PTPN13: variants seen among roughly 807,000 people sequenced by gnomAD.
The protein encoded by PTPN13 is protein tyrosine phosphatase non-receptor type 13.
PTPN13 carries 191 observed loss-of-function variants against 284.0 expected under a neutral mutation model. The ratio of observed to expected loss-of-function variants is 0.67; its 90% CI spans 0.60 to 0.76. The LOEUF (loss-of-function observed/expected upper bound fraction) is 0.76, where lower values mean the gene tolerates loss of function less well. Ranked by LOEUF, PTPN13 falls within the 30% of genes least tolerant of loss-of-function variation. PTPN13 has a pLI of 0.00. For synonymous variants in PTPN13, 986 were observed against 1,022.3 expected (o/e 0.96, Z 0.68); for missense variants, 2,797 against 2,939.9 (o/e 0.95, Z 1.12).
chr4:86,721,101 T>C (rs1331528996), intron 9 of PTPN13, among the ~76,000 whole-genome samples: 1 of 152,036 alleles, frequency 6.6e-6, no homozygotes, highest in Non-Finnish European at 1.5e-5. Flanking sequence ...TCTCAAACTT[T>C]GCAGTTTTTA....
chr4:86,733,950 T>G (rs2149134967), intron 12 of PTPN13, among the ~76,000 whole-genome samples: 1 of 152,342 alleles, frequency 6.6e-6, no homozygotes. Flanking sequence ...CATTTGATCC[T>G]TATAACAATG....
chr4:86,647,275 A>AT (rs969843330), intron 2 of PTPN13, among the ~76,000 whole-genome samples: 19 of 151,998 alleles, frequency 1.3e-4, no homozygotes, highest in Non-Finnish European at 2.4e-4. Context: ...AATATCAAAC[A>AT]TTTTTTCAAA....
intron 26 of PTPN13, among the ~76,000 whole-genome samples, chr4:86,765,922 G>A (rs1378455539): frequency 1.3e-5 from 2 of 151,974 alleles, no homozygotes; most frequent in African/African-American, 4.8e-5. Flanking sequence ...CCGCCTCCTG[G>A]GTTCAAATGA....
At chr4:86,668,310 TA>T (rs1727320380) in intron 2 of PTPN13, among the ~76,000 whole-genome samples, 1 of 152,236 alleles carries the variant, frequency 6.6e-6, no homozygotes, top group African/African-American at 2.4e-5. Flanking sequence ...ACATTTGCTT[TA>T]AATTTCTTCC....
At chr4:86,609,458 C>T (rs1197571495) in intron 1 of PTPN13, among the ~76,000 whole-genome samples, 2 of 152,096 alleles carry the variant, frequency 1.3e-5, no homozygotes, top group Non-Finnish European at 2.9e-5. Context: ...CCTTCATTTT[C>T]AGTAATGTCA....
intron 30 of PTPN13, 48 bp from the exon 31 acceptor site, chr4:86,771,123 T>TAA: frequency 2.0e-6 from 3 of 1,499,198 alleles, no homozygotes; most frequent in Non-Finnish European, 2.7e-6. Context: ...TAAATGCTTC[T>TAA]AAAATTCATA....
At chr4:86,765,092 A>G (rs903521166) in intron 25 of PTPN13, among the ~76,000 whole-genome samples, 4 of 152,202 alleles carry the variant, frequency 2.6e-5, no homozygotes, top group Admixed American at 1.3e-4. Flanking sequence ...ATATTTCTGT[A>G]TACTCTCCAT....
intron 1 of PTPN13, among the ~76,000 whole-genome samples, chr4:86,629,103 T>C (rs1177102658): frequency 6.6e-6 from 1 of 150,964 alleles, no homozygotes; most frequent in Non-Finnish European, 1.5e-5. Flanking sequence ...AAATGGGATC[T>C]AATTAAACTC....
intron 2 of PTPN13, among the ~76,000 whole-genome samples, chr4:86,667,850 T>C (rs1032551191): frequency 6.6e-6 from 1 of 152,224 alleles, no homozygotes; most frequent in Non-Finnish European, 1.5e-5. Flanking sequence ...CTGATACTTT[T>C]GATTAGTGTT....
At chr4:86,810,925 C>A in intron 46 of PTPN13, 121 bp from the exon 47 acceptor site, 2 of 824,080 alleles carry the variant, frequency 2.4e-6, no homozygotes, top group South Asian at 2.4e-5. Flanking sequence ...TTTCCCAAGA[C>A]TACCAGAAGG....
intron 42 of PTPN13, among the ~76,000 whole-genome samples, chr4:86,802,155 G>GT (rs1343654023): frequency 6.6e-6 from 1 of 151,510 alleles, no homozygotes; most frequent in Non-Finnish European, 1.5e-5. Flanking sequence ...TAGTGTGTGT[G>GT]TGTGTGTGTG....
chr4:86,735,416 A>G (rs1426770996), intron 14 of PTPN13, among the ~76,000 whole-genome samples, 178 bp from the exon 15 acceptor site: 4 of 152,228 alleles, frequency 2.6e-5, no homozygotes, highest in Admixed American at 6.5e-5. Flanking sequence ...CAGTCATTTT[A>G]TCTCACTGAA....
At chr4:86,670,159 T>C (rs964246105) in intron 2 of PTPN13, among the ~76,000 whole-genome samples, 14 of 147,232 alleles carry the variant, frequency 9.5e-5, no homozygotes, top group African/African-American at 3.6e-4. Context: ...TCATTTCTTT[T>C]CTATCTTAAT....
At position 86,814,805 on chromosome 4, in the gene PTPN13, G is replaced by A. The variant is rs1317834587; in HGVS notation, c.*254G>A. 2.1e-5 allele frequency: 7 copies of A among 337,152 alleles called. No individual in the cohort carries two copies. The highest frequency in any genetic ancestry group is 2.2e-5 in the Non-Finnish European group (4 of 184,136). The allele number at this position is 337,152 out of a possible 1,614,324, so 20.9% of individuals were successfully genotyped here. The stretch of plus-strand genomic sequence containing the variant: ...ATGCAGATCTTAGGGATGATTAAAG[G>A]CAGCATTTGATGATAGCAGACATTG... On this transcript the variant is annotated 3_prime_UTR_variant, in exon 48 of 48. Transcript: ENST00000411767.
chr4:86,733,107 C>T (rs1234262696), intron 12 of PTPN13, among the ~76,000 whole-genome samples: 1 of 152,052 alleles, frequency 6.6e-6, no homozygotes, highest in Non-Finnish European at 1.5e-5. Flanking sequence ...GAATGTATAG[C>T]AAGACCTTAT....
At chr4:86,750,194 C>A (rs1489159968) in intron 17 of PTPN13, among the ~76,000 whole-genome samples, 7 of 152,102 alleles carry the variant, frequency 4.6e-5, no homozygotes. Context: ...CAAGCCTGAG[C>A]CCCAAACATT....
At chr4:86,709,596 C>T (rs2149042247) in intron 7 of PTPN13, among the ~76,000 whole-genome samples, 1 of 152,294 alleles carries the variant, frequency 6.6e-6, no homozygotes, top group African/African-American at 2.4e-5. Flanking sequence ...TAAGAGTAAA[C>T]TCACATACTT....
At chr4:86,629,151 C>T (rs35648419) in intron 1 of PTPN13, among the ~76,000 whole-genome samples, 39,198 of 144,794 alleles carry the variant, frequency 0.27, 5,820 homozygotes, top group South Asian at 0.44. Context: ...ACCATCAGAG[C>T]GAACAGGCAA....
intron 1 of PTPN13, among the ~76,000 whole-genome samples, chr4:86,628,971 A>C (rs1370463384): frequency 6.6e-6 from 1 of 151,820 alleles, no homozygotes; most frequent in Admixed American, 6.6e-5. Context: ...ATACGTGTGC[A>C]TGTGTCTTTA....
Sources: gnomAD v4.1 joint callset for allele counts (sites outside exome capture counted in the v4.1 genomes callset) on GRCh38, gnomAD v4.1.1 for gene constraint, MANE v1.5 for transcripts, NCBI Gene and HGNC (gene_info 2026-07-23, HGNC 2026-07-21) for gene names.